Variants in LITAF observed in about 807,000 individuals in gnomAD.
The protein encoded by LITAF is lipopolysaccharide induced TNF factor, also known as lipopolysaccharide-induced tumor necrosis factor-alpha factor.
In LITAF, 9 loss-of-function variants were observed where a neutral mutation model predicts 14.5. The ratio of observed to expected loss-of-function variants is 0.62; its 90% CI spans 0.37 to 1.08. The LOEUF (loss-of-function observed/expected upper bound fraction) is 1.08, where lower values mean the gene tolerates loss of function less well. Among genes scored for constraint, LITAF ranks in the 50% least tolerant of loss-of-function variants. The pLI is 0.01. For missense variants in LITAF, 206 were observed against 213.4 expected, an observed-to-expected ratio of 0.97 and a Z score of 0.22; for synonymous variants, 98 against 88.2, an observed-to-expected ratio of 1.11 and a Z score of -0.62.
chr16:11,584,352 T>A (rs1439206426), intron 1 of LITAF: 1 of 152,220 alleles, frequency 6.6e-6, no homozygotes, highest in East Asian at 1.9e-4. Flanking sequence ...GGGAGAAGTT[T>A]AAGTCACAAA....
intron 1 of LITAF, among the ~76,000 whole-genome samples, chr16:11,559,744 C>A (rs777016421): frequency 1.3e-5 from 2 of 150,868 alleles, no homozygotes; most frequent in African/African-American, 2.4e-5. Context: ...CCTGTCATCC[C>A]AGCACTTTGG....
rs1390322757 is a variant in LITAF at position 11,632,989 on chromosome 16, C to T, written c.85+544G>A. 6.6e-6 allele frequency among the ~76,000 whole-genome samples: 1 copy of T among 152,170 alleles called. No homozygotes were observed. The highest frequency in any genetic ancestry group is 1.5e-5 in the Non-Finnish European group (1 of 68,028). ...ATTTGCTGTCTTAGATAGGAAAGGA[C>T]GGCCTGGGATCCTGCACCCATGATA... On this transcript the variant is annotated intron_variant, in intron 3 of 3. Coordinates refer to the LITAF transcript ENST00000574848. This position sits in a 1 kb window ranked among gnomAD's most constrained non-coding sequence, Gnocchi z 4.8.
At position 11,549,951 on chromosome 16, in the gene LITAF, C is replaced by G. The variant is rs988422280; in HGVS notation, c.378-206G>C. 6.6e-6 allele frequency among the ~76,000 whole-genome samples: 1 copy of G among 152,062 alleles called. No homozygotes were observed. Among genetic ancestry groups the G allele is most frequent in the Non-Finnish European group, 1.5e-5 (1 of 68,022 alleles). On this transcript the variant is annotated intron_variant, in intron 3 of 3. Coordinates refer to ENST00000622633, the MANE Select transcript of LITAF (RefSeq NM_001136472.2). This position sits in a 1 kb window ranked among gnomAD's most constrained non-coding sequence, Gnocchi z 4.6. ...GAAGAGGAGAGGACACACAGAGATACAGAGAGGGCAGAAGGAAATGTGAAG... is the reference window on the plus strand; with the variant it reads ...GAAGAGGAGAGGACACACAGAGATAGAGAGAGGGCAGAAGGAAATGTGAAG...
intron 1 of LITAF, among the ~76,000 whole-genome samples, chr16:11,568,349 C>A (rs1015380350): frequency 1.3e-5 from 2 of 151,600 alleles, no homozygotes; most frequent in African/African-American, 4.8e-5. Flanking sequence ...CCATTCAGAA[C>A]CTTGAGTCAT....
intron 3 of LITAF, among the ~76,000 whole-genome samples, chr16:11,607,876 ACATCATGG>A (rs2064962731): frequency 6.6e-6 from 1 of 151,990 alleles, no homozygotes; most frequent in African/African-American, 2.4e-5. Context: ...ACTCCTCCCC[ACATCATGG>A]CATCCAAAGA....
At chr16:11,576,102 T>C (rs2064628268) in intron 1 of LITAF, among the ~76,000 whole-genome samples, 1 of 152,218 alleles carries the variant, frequency 6.6e-6, no homozygotes, top group Non-Finnish European at 1.5e-5. Flanking sequence ...TTGCCCAGGC[T>C]GGCCTCAAGT....
At chr16:11,580,086 T>C (rs1193003567) in intron 1 of LITAF, among the ~76,000 whole-genome samples, 1 of 152,244 alleles carries the variant, frequency 6.6e-6, no homozygotes, top group East Asian at 1.9e-4. Flanking sequence ...TGGAGCATTC[T>C]GGATTTTGGA....
At chr16:11,627,628 G>A (rs1186165932) in intron 3 of LITAF, among the ~76,000 whole-genome samples, 1 of 152,226 alleles carries the variant, frequency 6.6e-6, no homozygotes, top group East Asian at 1.9e-4. Context: ...CAGATCACCT[G>A]AGGTCAGCAG....
chr16:11,570,804 T>C (rs2064530014), intron 1 of LITAF, among the ~76,000 whole-genome samples: 2 of 150,860 alleles, frequency 1.3e-5, no homozygotes, highest in African/African-American at 4.9e-5. Context: ...CCCAGCTACT[T>C]GGGAGGCTGA....
At position 11,550,000 on chromosome 16, in the gene LITAF, G is replaced by A. The variant is rs75012078; in HGVS notation, c.378-255C>T. Among the ~76,000 whole-genome samples the A allele has an allele frequency of 0.089, 13,606 of 152,252 alleles. 692 individuals carry two copies. The highest frequency in any genetic ancestry group is 0.11 in the Non-Finnish European group (7,627 of 67,990). On this transcript the variant is annotated intron_variant, in intron 3 of 3. Coordinates refer to ENST00000622633, the MANE Select transcript of LITAF (RefSeq NM_001136472.2). This position sits in a 1 kb window ranked among gnomAD's most constrained non-coding sequence, Gnocchi z 4.6. ...AGACAGAGGCAGAAGCTGGAGTGAT[G>A]AGGCCATAAGCCAAGGACACCTGGA...
At position 11,634,443 on chromosome 16, in the gene LITAF, A is replaced by C. The variant is rs2077107719; in HGVS notation, c.-20-806T>G. Among the ~76,000 whole-genome samples, 1 of 152,244 alleles carries C rather than the reference A, an allele frequency of 6.6e-6. No homozygotes were observed. The highest frequency in any genetic ancestry group is 2.1e-4 in the South Asian group (1 of 4,830). ...AATGAGAGAAAGCTAAATTCTGCTA[A>C]GGTGTAGACATACATGATTACCAGC... On this transcript the variant is annotated intron_variant, in intron 2 of 3. Coordinates refer to the LITAF transcript ENST00000574848. The surrounding 1 kb of genome is among the most constrained non-coding windows in gnomAD (Gnocchi z 4.1).
chr16:11,624,248 T>C (rs926860387), intron 3 of LITAF, among the ~76,000 whole-genome samples: 4 of 152,180 alleles, frequency 2.6e-5, no homozygotes, highest in Non-Finnish European at 5.9e-5. Context: ...CCCCAGCAGT[T>C]CCAGCCTTAT....
chr16:11,598,976 C>A (rs369151476), upstream of LITAF, among the ~76,000 whole-genome samples: 84 of 150,928 alleles, frequency 5.6e-4, 1 homozygote, highest in African/African-American at 1.9e-3. Flanking sequence ...CCCGCCACCA[C>A]TTCTGGCTGA....
intron 1 of LITAF, among the ~76,000 whole-genome samples, chr16:11,578,589 A>ACT (rs1387655996): frequency 6.6e-6 from 1 of 151,894 alleles, no homozygotes; most frequent in Non-Finnish European, 1.5e-5. Context: ...CCTCCTTTTC[A>ACT]CTCTCTCTCT....
At chr16:11,603,876 C>G (rs1473381149) in intron 3 of LITAF, among the ~76,000 whole-genome samples, 1 of 151,710 alleles carries the variant, frequency 6.6e-6, no homozygotes, top group East Asian at 1.9e-4. Flanking sequence ...AACCCCATCT[C>G]TACTAAAAAT....
At chr16:11,587,574 T>C, upstream of LITAF, 2 of 367,116 alleles carry the variant, frequency 5.4e-6, no homozygotes, top group Middle Eastern at 9.3e-4. Context: ...ACAGGATAGG[T>C]ATTAGGTAAG....
chr16:11,600,254 T>C (rs1375806379), upstream of LITAF, among the ~76,000 whole-genome samples: 1 of 152,266 alleles, frequency 6.6e-6, no homozygotes, highest in Non-Finnish European at 1.5e-5. This position sits in a 1 kb window ranked among gnomAD's most constrained non-coding sequence, Gnocchi z 4.1. Context: ...TGGGATTACA[T>C]GTGCCAGCCA....
chr16:11,571,483 T>C (rs11074999), intron 1 of LITAF, among the ~76,000 whole-genome samples: 20,962 of 152,168 alleles, frequency 0.14, 1,717 homozygotes, highest in Middle Eastern at 0.19. Context: ...AGAAAACTCA[T>C]CCATCCACCC....
chr16:11,555,165 T>C (rs12934427), intron 2 of LITAF, among the ~76,000 whole-genome samples: 1 of 152,042 alleles, frequency 6.6e-6, no homozygotes, highest in Non-Finnish European at 1.5e-5. Flanking sequence ...CCCAAGTAGC[T>C]GGGACTACAG....
Sources: allele counts gnomAD v4.1 joint callset (sites outside exome capture counted in the v4.1 genomes callset), GRCh38; gene constraint gnomAD v4.1.1; non-coding constraint Gnocchi (gnomAD v3.1); transcripts MANE v1.5; gene names NCBI Gene and HGNC (gene_info 2026-07-23, HGNC 2026-07-21).